SLC26A9: variants seen among roughly 807,000 people sequenced by gnomAD.
The protein encoded by SLC26A9 is solute carrier family 26 member 9.
Under a neutral mutation model 87.1 loss-of-function variants are expected in SLC26A9, and 46 were observed. That is an observed-to-expected ratio of 0.53 (90% CI 0.42 to 0.67). The LOEUF is 0.67. Among genes scored for constraint, SLC26A9 ranks in the 30% least tolerant of loss-of-function variants. The pLI, the probability that SLC26A9 is intolerant of heterozygous loss-of-function variation, is 0.00. For missense variants in SLC26A9, 927 were observed against 1,018.3 expected (o/e 0.91, Z 1.22); for synonymous variants, 437 against 409.1 (o/e 1.07, Z -0.82).
chr1:205,931,850 GC>G lies in SLC26A9; in HGVS notation c.552+9del. ...TGCCCTTCTAGCAGGGTTGGGGGCT[GC>G]CCCCTCACCTGGATGATGGCGGTGA... On this transcript the variant is annotated intron_variant, in intron 5 of 20. Coordinates refer to ENST00000367135, the MANE Select transcript of SLC26A9 (RefSeq NM_052934.4). 10 of 1,609,944 alleles carry G rather than the reference GC, an allele frequency of 6.2e-6. No individual in the cohort carries two copies. Among genetic ancestry groups the G allele is most frequent in the Non-Finnish European group, 7.6e-6 (9 of 1,177,920 alleles).
At chr1:205,924,699 G>A (rs1658995467) in intron 12 of SLC26A9, 2 of 525,398 alleles carry the variant, frequency 3.8e-6, no homozygotes, top group Non-Finnish European at 6.8e-6. Context: ...GTGGTTGCCT[G>A]ATCTTGTCTG....
chr1:205,922,787 G>A (rs12135510), intron 16 of SLC26A9, among the ~76,000 whole-genome samples: 2 of 151,936 alleles, frequency 1.3e-5, no homozygotes, highest in East Asian at 1.9e-4. Context: ...TAATCTCAGC[G>A]ACTTGGGAGG....
chr1:205,936,705 G>T (rs1197633939), intron 1 of SLC26A9, among the ~76,000 whole-genome samples: 3 of 152,172 alleles, frequency 2.0e-5, no homozygotes, highest in Non-Finnish European at 4.4e-5. Context: ...GGACAGAGAA[G>T]AAAGAGATGG....
chr1:205,933,158 T>A, intron 2 of SLC26A9, 74 bp from the exon 3 acceptor site: 1 of 1,570,694 alleles, frequency 6.4e-7, no homozygotes, highest in African/African-American at 1.4e-5. Flanking sequence ...GGGATTATCA[T>A]ATCCTGCTCA....
At chr1:205,940,588 T>C (rs1659699653) in intron 1 of SLC26A9, among the ~76,000 whole-genome samples, 1 of 152,212 alleles carries the variant, frequency 6.6e-6, no homozygotes, top group African/African-American at 2.4e-5. Flanking sequence ...CTGCCTTTTT[T>C]TGGCTTGCCT....
intron 18 of SLC26A9, among the ~76,000 whole-genome samples, chr1:205,919,208 A>G (rs907287318): frequency 3.9e-5 from 6 of 152,210 alleles, no homozygotes; most frequent in African/African-American, 1.4e-4. Flanking sequence ...AGAAGGAAGC[A>G]GTTTGATTTA....
chr1:205,935,781 C>G lies in SLC26A9; in HGVS notation c.40G>C (p.Ala14Pro). The G allele has an allele frequency of 6.2e-7, 1 of 1,613,890 alleles. No homozygotes were observed. The highest frequency in any genetic ancestry group is 8.5e-7 in the Non-Finnish European group (1 of 1,179,868). The change falls in exon 2 of 21, where the codon GCA becomes CCA. Residue 14 changes from alanine (A) to proline (P), a missense_variant. Coordinates refer to ENST00000367135, the MANE Select transcript of SLC26A9 (RefSeq NM_052934.4). ...PRPRYVVDRA[A>P]YSLTLFDDEF... ...TCGTCGAAGAGGGTAAGGGAGTATG[C>G]GGCTCTGTCTACCACGTAGCGGGGC...
Position 205,932,727 on chromosome 1 carries a change from C to A in SLC26A9, c.351G>T (p.Leu117=). The change falls in exon 4 of 21, where the codon CTG becomes CTT. Residue 117 remains leucine (L), a synonymous_variant. Coordinates refer to ENST00000367135, the MANE Select transcript of SLC26A9 (RefSeq NM_052934.4). ...SFFPLLTYFF[L]GGVHQMVPGT... ...CTGGCACCATCTGGTGAACACCCCCCAGGAAGAAGTAGGTCAGGAGGGGGA... is the reference window on the plus strand; with the variant it reads ...CTGGCACCATCTGGTGAACACCCCCAAGGAAGAAGTAGGTCAGGAGGGGGA... The A allele has an allele frequency of 6.3e-7, 1 of 1,587,560 alleles. No individual in the cohort carries two copies. Among genetic ancestry groups the A allele is most frequent in the Non-Finnish European group, 8.6e-7 (1 of 1,167,962 alleles).
intron 2 of SLC26A9, among the ~76,000 whole-genome samples, chr1:205,933,360 C>T (rs1332973908): frequency 6.6e-6 from 1 of 152,162 alleles, no homozygotes; most frequent in East Asian, 1.9e-4. Flanking sequence ...GTGGCTCAGC[C>T]TTCGGAGGTA....
At chr1:205,919,468 A>C (rs551043097) in intron 18 of SLC26A9, among the ~76,000 whole-genome samples, 1 of 152,136 alleles carries the variant, frequency 6.6e-6, no homozygotes, top group Non-Finnish European at 1.5e-5. Context: ...ATAGCAGGTC[A>C]TTGCCACTGC....
At chr1:205,924,355 G>A (rs755172908) in intron 13 of SLC26A9, 28 bp downstream of exon 13, 5 of 1,606,928 alleles carry the variant, frequency 3.1e-6, no homozygotes, top group African/African-American at 1.3e-5. Context: ...CCGACTGTGG[G>A]CCTAGGAGGG....
intron 10 of SLC26A9, 71 bp downstream of exon 10, chr1:205,927,421 C>A: frequency 2.6e-6 from 4 of 1,550,210 alleles, no homozygotes; most frequent in Non-Finnish European, 3.5e-6. Flanking sequence ...GCCTGGCTTG[C>A]AGTGCCCAGG....
Position 205,930,692 on chromosome 1 carries a change from C to T in SLC26A9, c.553-636G>A, listed in dbSNP as rs544825478. 5.3e-5 allele frequency among the ~76,000 whole-genome samples: 8 copies of T among 152,300 alleles called. No individual in the cohort carries two copies. The East Asian group carries it at 1.5e-3, about 29-fold the overall frequency. On this transcript the variant is annotated intron_variant, in intron 5 of 20. Coordinates refer to ENST00000367135, the MANE Select transcript of SLC26A9 (RefSeq NM_052934.4). ...TTCCATCCTCTTCTGGGCCCTCTAC[C>T]CTCCAGCCACACCAAGCCCCTTACT...
Position 205,923,616 on chromosome 1 carries a change from G to A in SLC26A9, c.1497-3C>T. 4 of 1,614,158 alleles carry A rather than the reference G, an allele frequency of 2.5e-6. No individual in the cohort carries two copies. The highest frequency in any genetic ancestry group is 2.2e-5 in the South Asian group (2 of 91,064). ...GGGCCAGTGCATAGCCATTTCGACT[G>A]GATGAAGCAGGAAGAGAAAAACATA... On this transcript the variant is annotated splice_region_variant and splice_polypyrimidine_tract_variant and intron_variant, in intron 13 of 20. Transcript: ENST00000367135.
chr1:205,915,035 C>T lies in SLC26A9; in HGVS notation c.*322G>A. The T allele has an allele frequency of 6.2e-7, 1 of 1,614,178 alleles. No individual in the cohort carries two copies. Among genetic ancestry groups the T allele is most frequent in the Non-Finnish European group, 8.5e-7 (1 of 1,180,036 alleles). Reference sequence around the variant, plus strand: ...CGTAAAAGCTGGAAGTCAAGGTGTCCTTCAGCTGCCAAGGACAGGGCAGAG... The same window carrying T: ...CGTAAAAGCTGGAAGTCAAGGTGTCTTTCAGCTGCCAAGGACAGGGCAGAG... On this transcript the variant is annotated 3_prime_UTR_variant, in exon 21 of 21. Coordinates refer to ENST00000367135, the MANE Select transcript of SLC26A9 (RefSeq NM_052934.4).
chr1:205,928,373 A>G (rs1357909666), intron 8 of SLC26A9: 5 of 402,928 alleles, frequency 1.2e-5, no homozygotes, highest in Admixed American at 7.5e-5. Context: ...CTTTGGTGCT[A>G]TGTGGTCTTC....
chr1:205,920,913 C>G (rs989650420), intron 17 of SLC26A9, among the ~76,000 whole-genome samples: 1 of 152,236 alleles, frequency 6.6e-6, no homozygotes, highest in Non-Finnish European at 1.5e-5. Flanking sequence ...GGCCTGGACT[C>G]CAGATCCTGG....
At chr1:205,919,095 A>G in intron 18 of SLC26A9, 110 bp from the exon 19 acceptor site, 2 of 1,389,730 alleles carry the variant, frequency 1.4e-6, no homozygotes, top group Non-Finnish European at 2.0e-6. Flanking sequence ...CTGAGGTCCC[A>G]GCTCTTGCTG....
chr1:205,924,420 C>T lies in SLC26A9; in HGVS notation c.1459G>A (p.Ala487Thr), dbSNP rs775788183. 6.9e-5 allele frequency: 112 copies of T among 1,613,998 alleles called. No individual in the cohort carries two copies. Among genetic ancestry groups the T allele is most frequent in the Non-Finnish European group, 8.2e-5 (97 of 1,180,016 alleles). The change falls in exon 13 of 21, where the codon GCC becomes ACC. Residue 487 changes from alanine to threonine, a missense_variant. Physicochemically the swap from Ala to Thr is moderately conservative, Grantham distance 58. Coordinates refer to ENST00000367135, the MANE Select transcript of SLC26A9 (RefSeq NM_052934.4). ...SLPYGVAVGV[A>T]FSVLVVVFQT... ...AAGACCACGACCAGGACGGAGAAGG[C>T]GACACCCACTGCCACACCATAGGGC... is the stretch of plus-strand genomic sequence containing the variant.
Sources: gnomAD v4.1 joint callset for allele counts (sites outside exome capture counted in the v4.1 genomes callset) on GRCh38, gnomAD v4.1.1 for gene constraint, MANE v1.5 for transcripts, NCBI Gene and HGNC (gene_info 2026-07-23, HGNC 2026-07-21) for gene names.